CACNA1E: variants seen among roughly 807,000 people sequenced by gnomAD.
The protein encoded by CACNA1E is voltage-dependent R-type calcium channel subunit alpha-1E.
CACNA1E carries 40 observed loss-of-function variants against 259.2 expected under a neutral mutation model. The observed-to-expected ratio is 0.15, with a 90% confidence interval of 0.12 to 0.20. The LOEUF is 0.20. CACNA1E is among the 10% of genes least tolerant of loss of function. CACNA1E has a pLI of 1.00. For missense variants in CACNA1E, 1,874 were observed against 3,040.1 expected, an observed-to-expected ratio of 0.62 and a Z score of 9.02; for synonymous variants, 1,104 against 1,138.5, an observed-to-expected ratio of 0.97 and a Z score of 0.61.
intron 6 of CACNA1E, among the ~76,000 whole-genome samples, chr1:181,649,518 A>G (rs1658565978): frequency 6.6e-6 from 1 of 152,204 alleles, no homozygotes; most frequent in African/African-American, 2.4e-5. Context: ...AACCCAAAGG[A>G]ATATAAATCA....
chr1:181,432,985 C>G (rs1195236635), intron 2 of CACNA1E, among the ~76,000 whole-genome samples: 1 of 152,116 alleles, frequency 6.6e-6, no homozygotes, highest in East Asian at 1.9e-4. Context: ...TTTTTTTGCA[C>G]TAAGTCTTTG....
chr1:181,596,557 C>CGT (rs60302499), intron 6 of CACNA1E, among the ~76,000 whole-genome samples: 16,288 of 140,390 alleles, frequency 0.12, 1,422 homozygotes, highest in African/African-American at 0.25. Flanking sequence ...CCACCATGTA[C>CGT]GTGTGTGTGT....
chr1:181,404,648 C>T (rs902435477), intron 1 of CACNA1E, among the ~76,000 whole-genome samples: 1 of 152,156 alleles, frequency 6.6e-6, no homozygotes, highest in African/African-American at 2.4e-5. Context: ...ACAGGTATGC[C>T]CTTCTTCCAT....
At chr1:181,398,395 C>A (rs1656847207) in intron 1 of CACNA1E, among the ~76,000 whole-genome samples, 2 of 152,218 alleles carry the variant, frequency 1.3e-5, no homozygotes, top group African/African-American at 4.8e-5. Flanking sequence ...TTAGGAAGTG[C>A]ATGCTCACAC....
At chr1:181,437,539 G>T (rs1660176493) in intron 2 of CACNA1E, among the ~76,000 whole-genome samples, 1 of 152,118 alleles carries the variant, frequency 6.6e-6, no homozygotes, top group South Asian at 2.1e-4. Context: ...AACTGCTCTT[G>T]TTCAGGTCAT....
At chr1:181,354,446 A>G (rs2101896449) in intron 1 of CACNA1E, among the ~76,000 whole-genome samples, 1 of 152,340 alleles carries the variant, frequency 6.6e-6, no homozygotes, top group East Asian at 1.9e-4. Flanking sequence ...GACTTGAGTG[A>G]ACACCTGAAG....
chr1:181,633,823 C>T (rs147466711), intron 6 of CACNA1E, among the ~76,000 whole-genome samples: 23 of 152,282 alleles, frequency 1.5e-4, no homozygotes, highest in East Asian at 1.9e-4. Flanking sequence ...ATTTTCAAAG[C>T]GCTATCCCAT....
chr1:181,548,228 G>A (rs1209014118), intron 3 of CACNA1E, among the ~76,000 whole-genome samples: 1 of 151,506 alleles, frequency 6.6e-6, no homozygotes, highest in African/African-American at 2.4e-5. Context: ...GGGCTCAAGC[G>A]ATTCTCCTGC....
At chr1:181,775,225 C>G (rs1199760855) in intron 37 of CACNA1E, among the ~76,000 whole-genome samples, 1 of 152,146 alleles carries the variant, frequency 6.6e-6, no homozygotes, top group Non-Finnish European at 1.5e-5. Flanking sequence ...TAGTTGAGGC[C>G]TGGGTCACAG....
chr1:181,386,313 C>A (rs1655844139), intron 1 of CACNA1E, among the ~76,000 whole-genome samples: 1 of 151,752 alleles, frequency 6.6e-6, no homozygotes. Flanking sequence ...ACAAAAGGGG[C>A]AGGGGAGGTG....
intron 1 of CACNA1E, chr1:181,318,166 G>C (rs1430120215): frequency 6.6e-6 from 1 of 152,080 alleles, no homozygotes; most frequent in Non-Finnish European, 1.5e-5. Flanking sequence ...TCTGTCTTGC[G>C]CCCCGCATGC....
intron 2 of CACNA1E, among the ~76,000 whole-genome samples, chr1:181,475,449 A>C (rs912690947): frequency 2.0e-5 from 3 of 152,186 alleles, no homozygotes; most frequent in African/African-American, 7.2e-5. Flanking sequence ...GTGGGAGAGC[A>C]GATTTGAACT....
At chr1:181,554,114 G>T (rs1359799949) in intron 3 of CACNA1E, among the ~76,000 whole-genome samples, 1 of 152,046 alleles carries the variant, frequency 6.6e-6, no homozygotes, top group Non-Finnish European at 1.5e-5. Flanking sequence ...GGACTCCAGG[G>T]ATCCACCCCA....
intron 1 of CACNA1E, among the ~76,000 whole-genome samples, chr1:181,378,201 C>T (rs1655231326): frequency 6.6e-6 from 1 of 152,200 alleles, no homozygotes; most frequent in Admixed American, 6.5e-5. Context: ...ATAATAATAA[C>T]AGAGATCTGG....
intron 3 of CACNA1E, among the ~76,000 whole-genome samples, chr1:181,541,530 C>T (rs1668582286): frequency 6.6e-6 from 1 of 152,070 alleles, no homozygotes; most frequent in Non-Finnish European, 1.5e-5. Flanking sequence ...AATTGATGCT[C>T]ATCTCCCAGA....
chr1:181,438,491 T>A (rs1660232415), intron 2 of CACNA1E, among the ~76,000 whole-genome samples: 1 of 152,228 alleles, frequency 6.6e-6, no homozygotes, highest in Non-Finnish European at 1.5e-5. Flanking sequence ...TTCTCATTTT[T>A]AAAAATACCA....
chr1:181,467,297 A>C (rs1370876491), intron 2 of CACNA1E, among the ~76,000 whole-genome samples: 2 of 152,236 alleles, frequency 1.3e-5, no homozygotes, highest in Admixed American at 6.5e-5. Flanking sequence ...TTGTAGCTTT[A>C]TAAATAAGAA....
chr1:181,594,750 G>A (rs538155438), intron 6 of CACNA1E, among the ~76,000 whole-genome samples: 18 of 152,178 alleles, frequency 1.2e-4, no homozygotes, highest in Non-Finnish European at 1.8e-4. Flanking sequence ...TATTAGGCAA[G>A]TCACGTGACC....
At chr1:181,745,473 C>G in intron 25 of CACNA1E, 1 of 355,140 alleles carries the variant, frequency 2.8e-6, no homozygotes, top group East Asian at 7.3e-5. Flanking sequence ...CAACAACCAA[C>G]TAGACCCAGA....
Sources: gnomAD v4.1 joint callset for allele counts (sites outside exome capture counted in the v4.1 genomes callset) on GRCh38, gnomAD v4.1.1 for gene constraint, MANE v1.5 for transcripts, NCBI Gene and HGNC (gene_info 2026-07-23, HGNC 2026-07-21) for gene names.